DDX10: variants seen among roughly 807,000 people sequenced by gnomAD.
DDX10 encodes DEAD-box helicase 10, also known as probable ATP-dependent RNA helicase DDX10.
Under a neutral mutation model 104.3 loss-of-function variants are expected in DDX10, and 74 were observed. The ratio of observed to expected loss-of-function variants is 0.71; its 90% CI spans 0.59 to 0.86. The LOEUF is 0.86. Among genes scored for constraint, DDX10 ranks in the 40% least tolerant of loss-of-function variants. The pLI is 0.00. For synonymous variants in DDX10, 351 were observed against 353.4 expected (o/e 0.99, Z 0.08); for missense variants, 952 against 1,040.0 (o/e 0.92, Z 1.16).
chr11:108,738,669 G>A (rs34746018), intron 13 of DDX10, among the ~76,000 whole-genome samples: 1 of 151,992 alleles, frequency 6.6e-6, no homozygotes, highest in South Asian at 2.1e-4. Context: ...CATTAGCTCT[G>A]TTTTATGACA....
chr11:108,800,356 A>G (rs1280755335), intron 13 of DDX10, among the ~76,000 whole-genome samples: 1 of 147,478 alleles, frequency 6.8e-6, no homozygotes, highest in Admixed American at 7.0e-5. Context: ...GAGTCAGGAG[A>G]ATGGCATCAA....
intron 16 of DDX10, among the ~76,000 whole-genome samples, chr11:108,905,108 T>G (rs1398002295): frequency 6.6e-6 from 1 of 152,096 alleles, no homozygotes; most frequent in Non-Finnish European, 1.5e-5. Context: ...CCACAAAATG[T>G]GTTATGTATA....
At chr11:108,936,858 T>C (rs1361402109) in intron 17 of DDX10, among the ~76,000 whole-genome samples, 1 of 152,232 alleles carries the variant, frequency 6.6e-6, no homozygotes, top group Non-Finnish European at 1.5e-5. Flanking sequence ...TAAAGATTTT[T>C]GAAGGGTACT....
chr11:108,935,385 A>G (rs1478035171), intron 17 of DDX10, among the ~76,000 whole-genome samples: 1 of 152,206 alleles, frequency 6.6e-6, no homozygotes, highest in Non-Finnish European at 1.5e-5. Context: ...ATACCAGATC[A>G]TGAGACTCTT....
At chr11:108,827,384 G>A (rs1862409874) in intron 13 of DDX10, among the ~76,000 whole-genome samples, 1 of 152,178 alleles carries the variant, frequency 6.6e-6, no homozygotes, top group African/African-American at 2.4e-5. Context: ...ACAGGCTAAT[G>A]TAATAGCCAT....
Position 108,665,225 on chromosome 11 carries a change from G to GAA in DDX10, c.77_78dup (p.His27AsnfsTer12). The GAA allele has an allele frequency of 6.2e-7, 1 of 1,613,282 alleles. No homozygotes were observed. Among genetic ancestry groups the GAA allele is most frequent in the Non-Finnish European group, 8.5e-7 (1 of 1,179,754 alleles). ...CGGTGCGGAGCTTCAATCGCTGGAA[G>GAA]AAAAAACACAGCCATAGGCAGAACA... On this transcript the variant is annotated frameshift_variant, in exon 1 of 18. Coordinates refer to ENST00000322536, the MANE Select transcript of DDX10 (RefSeq NM_004398.4). LOFTEE classifies it high-confidence loss of function.
intron 13 of DDX10, among the ~76,000 whole-genome samples, chr11:108,810,425 T>G (rs1862163393): frequency 6.6e-6 from 1 of 152,080 alleles, no homozygotes; most frequent in African/African-American, 2.4e-5. Flanking sequence ...TGGAGAAGAA[T>G]AGGAGATGCT....
Position 108,744,699 on chromosome 11 carries a change from A to G in DDX10, c.1965+21237A>G, listed in dbSNP as rs142142550. Among the ~76,000 whole-genome samples, 19 of 152,296 alleles carry G rather than the reference A, an allele frequency of 1.2e-4. 1 individual carries two copies. The East Asian group carries it at 3.7e-3, about 29-fold the overall frequency. On this transcript the variant is annotated intron_variant, in intron 13 of 17. Transcript: ENST00000322536. The stretch of plus-strand genomic sequence containing the variant: ...AGTTAGACTTGTCAGCCTTCAATAA[A>G]CTTACATAGTGACACAGGACATTTA...
At chr11:108,722,415 AT>A (rs2094299394) in intron 12 of DDX10, among the ~76,000 whole-genome samples, 1 of 152,140 alleles carries the variant, frequency 6.6e-6, no homozygotes, top group African/African-American at 2.4e-5. Flanking sequence ...ATATTTTTTA[AT>A]TTCTTTTTTT....
intron 13 of DDX10, among the ~76,000 whole-genome samples, chr11:108,781,273 G>A (rs781456778): frequency 1.2e-4 from 19 of 152,104 alleles, no homozygotes; most frequent in Non-Finnish European, 1.5e-5. Context: ...ATTTCATGGT[G>A]TATATGTGCC....
intron 12 of DDX10, 59 bp from the exon 13 acceptor site, chr11:108,722,938 C>T: frequency 6.6e-7 from 1 of 1,505,240 alleles, no homozygotes; most frequent in Non-Finnish European, 8.8e-7. Context: ...TCTTCTATGA[C>T]ACCTATAAAC....
chr11:108,797,218 G>A (rs939733868), intron 13 of DDX10, among the ~76,000 whole-genome samples: 5 of 152,086 alleles, frequency 3.3e-5, no homozygotes, highest in African/African-American at 1.2e-4. Context: ...ATTTTTAGTA[G>A]AGACGAGGTT....
intron 13 of DDX10, among the ~76,000 whole-genome samples, chr11:108,811,381 C>G (rs1862177640): frequency 6.6e-6 from 1 of 152,076 alleles, no homozygotes; most frequent in African/African-American, 2.4e-5. Context: ...AACTAGACTT[C>G]TAAAAGGATC....
chr11:108,753,117 T>G (rs1470127510), intron 13 of DDX10, among the ~76,000 whole-genome samples: 6 of 151,336 alleles, frequency 4.0e-5, no homozygotes, highest in African/African-American at 1.4e-4. Flanking sequence ...AACTCTATAA[T>G]GCATAAAATT....
chr11:108,829,642 G>C (rs1862442068), intron 13 of DDX10, among the ~76,000 whole-genome samples: 1 of 152,048 alleles, frequency 6.6e-6, no homozygotes, highest in African/African-American at 2.4e-5. Flanking sequence ...CTTTTGGTTG[G>C]TCATAAAGTC....
intron 15 of DDX10, among the ~76,000 whole-genome samples, chr11:108,844,668 G>A (rs1398507467): frequency 6.6e-6 from 1 of 152,140 alleles, no homozygotes; most frequent in Admixed American, 6.5e-5. Flanking sequence ...AGTAATTACA[G>A]TTTGTACCCA....
chr11:108,764,964 A>G (rs1045362711), intron 13 of DDX10, among the ~76,000 whole-genome samples: 3 of 152,240 alleles, frequency 2.0e-5, no homozygotes, highest in Non-Finnish European at 4.4e-5. Flanking sequence ...TTTAATGACA[A>G]CATGCAAATG....
chr11:108,706,777 C>A lies in DDX10; in HGVS notation c.1262C>A (p.Pro421His). Residue 421 changes from proline (P) to histidine (H), a missense_variant, in exon 10 of 18, where the codon CCC (proline) becomes CAC (histidine). Physicochemically the swap from Pro to His is moderately conservative, Grantham distance 77. This residue lies in a region of DDX10 where 533 missense variants were observed against 534.1 expected (regional missense o/e 1.00). Transcript: ENST00000322536. Reference sequence around the variant, plus strand: ...GGTGAAGCTTTGCTAATTTTGCTACCCTCAGAAAAAGCTATGGTGCAGCAG... The same window carrying A: ...GGTGAAGCTTTGCTAATTTTGCTACACTCAGAAAAAGCTATGGTGCAGCAG... The part of the protein sequence containing the change: ...EDGEALLILL[P>H]SEKAMVQQLL... 6.2e-7 allele frequency: 1 copy of A among 1,613,898 alleles called. No individual in the cohort carries two copies. The highest frequency in any genetic ancestry group is 8.5e-7 in the Non-Finnish European group (1 of 1,179,940).
rs781509110 is a variant in DDX10, at chr11:108,779,535, G to A, written c.1965+56073G>A. On this transcript the variant is annotated intron_variant, in intron 13 of 17. Coordinates refer to ENST00000322536, the MANE Select transcript of DDX10 (RefSeq NM_004398.4). ...GGAACATCACACACTGGGGCCTGCC[G>A]GGGGTGGTGGGAGGGGGAAGGATAG... is the stretch of plus-strand genomic sequence containing the variant. Among the ~76,000 whole-genome samples, 122 of 152,058 alleles carry A rather than the reference G, an allele frequency of 8.0e-4. 1 individual carries two copies. Among genetic ancestry groups the A allele is most frequent in the Non-Finnish European group, 3.8e-4 (26 of 67,994 alleles).
Sources: gnomAD v4.1 joint callset for allele counts (sites outside exome capture counted in the v4.1 genomes callset) on GRCh38, gnomAD v4.1.1 for gene constraint, gnomAD v4.1.1 regional missense constraint, MANE v1.5 for transcripts, NCBI Gene and HGNC (gene_info 2026-07-23, HGNC 2026-07-21) for gene names.